The following AP1M1 variants were observed in gnomAD, a reference collection of about 807,000 sequenced individuals.
AP1M1 encodes AP-1 complex subunit mu-1.
In AP1M1, 18 loss-of-function variants were observed where a neutral mutation model predicts 57.1. The observed-to-expected ratio is 0.32, with a 90% CI of 0.22 to 0.47. AP1M1 has a LOEUF of 0.47. Among genes scored for constraint, AP1M1 ranks in the 20% least tolerant of loss-of-function variants. AP1M1 has a pLI of 1.00. For missense variants in AP1M1, 362 were observed against 593.5 expected, an observed-to-expected ratio of 0.61 and a Z score of 4.05; for synonymous variants, 241 against 237.9, an observed-to-expected ratio of 1.01 and a Z score of -0.12.
In AP1M1 at chr19:16,242,396, A is replaced by G. The variant is rs1297500223; in HGVS notation, c.*7961A>G. 6.6e-6 allele frequency: 1 copy of G among 152,182 alleles called. No individual in the cohort carries two copies. Among genetic ancestry groups the G allele is most frequent in the Non-Finnish European group, 1.5e-5 (1 of 68,034 alleles). The allele number at this position is 152,182 out of a possible 1,614,324, so 9.4% of individuals were successfully genotyped here. On this transcript the variant is annotated 3_prime_UTR_variant, in exon 12 of 12. Coordinates refer to ENST00000291439, the MANE Select transcript of AP1M1 (RefSeq NM_032493.4). ...AAAATAATAAATAATAGTACTTAAA[A>G]CTGCACTGGGACTTTTGGGACACCC...
rs528540418 is a variant in AP1M1, at chr19:16,199,702, C to T, written c.42+1634C>T. Among the ~76,000 whole-genome samples, 6 of 152,274 alleles carry T rather than the reference C, an allele frequency of 3.9e-5. No individual in the cohort carries two copies. The South Asian group carries it at 1.2e-3, about 32-fold the overall frequency. On this transcript the variant is annotated intron_variant, in intron 1 of 11. Transcript: ENST00000291439. ...GACCCAGTGCTGGGCTTCCCTCCCCCGCCTTCTTGGAAGGAGGGAAGACAC... is the reference window on the plus strand; with the variant it reads ...GACCCAGTGCTGGGCTTCCCTCCCCTGCCTTCTTGGAAGGAGGGAAGACAC...
In AP1M1 at chr19:16,238,254, C is replaced by T. The variant is rs1350553164; in HGVS notation, c.*3819C>T. On this transcript the variant is annotated 3_prime_UTR_variant, in exon 12 of 12. Transcript: ENST00000291439. ...TTGCAGAACTCTAGTTGAGAAAAGCCCTGAGAAGTCCATGCACCAATATAT... is the reference window on the plus strand; with the variant it reads ...TTGCAGAACTCTAGTTGAGAAAAGCTCTGAGAAGTCCATGCACCAATATAT... 6.6e-6 allele frequency: 1 copy of T among 152,142 alleles called. No individual in the cohort carries two copies. The highest frequency in any genetic ancestry group is 1.5e-5 in the Non-Finnish European group (1 of 68,048). The allele number at this position is 152,142 out of a possible 1,614,324, so 9.4% of individuals were successfully genotyped here. A position where few individuals can be genotyped will look rare whatever the true frequency, so the allele number is the denominator to read the frequency against.
At chr19:16,211,081 C>G (rs554388387) in intron 5 of AP1M1, among the ~76,000 whole-genome samples, 1 of 143,422 alleles carries the variant, frequency 7.0e-6, no homozygotes, top group Admixed American at 7.3e-5. Context: ...TGTAGCTTAT[C>G]TTTTTATTCT....
In AP1M1 at chr19:16,234,526, C is replaced by A; in HGVS notation, c.*91C>A. The A allele has an allele frequency of 1.3e-6, 2 of 1,545,902 alleles. No individual in the cohort carries two copies. Among genetic ancestry groups the A allele is most frequent in the South Asian group, 1.1e-5 (1 of 87,274 alleles). On this transcript the variant is annotated 3_prime_UTR_variant, in exon 12 of 12. Coordinates refer to ENST00000291439, the MANE Select transcript of AP1M1 (RefSeq NM_032493.4). ...CAAACCCACCAGATGGAGGGGCCCT[C>A]CCTGGTCTCTGGCCACCCTCCCAGC... is the stretch of plus-strand genomic sequence containing the variant.
Position 16,228,095 on chromosome 19 carries a change from A to G in AP1M1, c.817-42A>G, listed in dbSNP as rs777945029. The G allele has an allele frequency of 4.3e-5, 69 of 1,603,814 alleles. No homozygotes were observed. Among genetic ancestry groups the G allele is most frequent in the Non-Finnish European group, 5.5e-5 (64 of 1,172,600 alleles). The stretch of plus-strand genomic sequence containing the variant: ...TCCCCTCTGAAATGGGCCTTTGTCA[A>G]ACAAGGCCAGGTGTGAGCACCCTCT... On this transcript the variant is annotated intron_variant, in intron 7 of 11. Transcript: ENST00000291439. This position sits in a 1 kb window ranked among gnomAD's most constrained non-coding sequence, Gnocchi z 5.0.
intron 5 of AP1M1, chr19:16,210,264 T>C (rs2091488187): frequency 1.5e-6 from 1 of 667,894 alleles, no homozygotes; most frequent in South Asian, 1.6e-5. Flanking sequence ...AGAAGGACAT[T>C]TGGGTGGTTT....
At chr19:16,232,000 G>T (rs2091600964) in intron 9 of AP1M1, among the ~76,000 whole-genome samples, 1 of 152,224 alleles carries the variant, frequency 6.6e-6, no homozygotes, top group Admixed American at 6.5e-5. Flanking sequence ...TCTGGGCCGG[G>T]CCTTGCGTCC....
intron 9 of AP1M1, among the ~76,000 whole-genome samples, chr19:16,231,629 T>C: frequency 1.2e-5 from 1 of 80,364 alleles, no homozygotes; most frequent in South Asian, 3.6e-4. Context: ...AGGGTTTCGC[T>C]ATTGTTGCTC....
intron 5 of AP1M1, among the ~76,000 whole-genome samples, chr19:16,216,430 G>C (rs988770503): frequency 2.0e-5 from 3 of 151,190 alleles, no homozygotes; most frequent in African/African-American, 7.3e-5. Flanking sequence ...GGGCGACAGA[G>C]CGAAACTCCG....
Position 16,239,239 on chromosome 19 carries a change from C to CTTTTTTTTTTT in AP1M1, c.*4834_*4844dup, listed in dbSNP as rs71178661. On this transcript the variant is annotated 3_prime_UTR_variant, in exon 12 of 12. Coordinates refer to ENST00000291439, the MANE Select transcript of AP1M1 (RefSeq NM_032493.4). The stretch of plus-strand genomic sequence containing the variant: ...TGAGCCACCGCGCCCGGCCAGTTCT[C>CTTTTTTTTTTT]TTTTTTTTTTTTTTTTTTTTTTTTT... 13 of 39,284 alleles carry CTTTTTTTTTTT rather than the reference C, an allele frequency of 3.3e-4. 3 individuals are homozygous for CTTTTTTTTTTT. The highest frequency in any genetic ancestry group is 6.2e-4 in the African/African-American group (7 of 11,282). The allele number at this position is 39,284 out of a possible 1,614,324, so 2.4% of individuals were successfully genotyped here. A position where few individuals can be genotyped will look rare whatever the true frequency, so the allele number is the denominator to read the frequency against.
intron 10 of AP1M1, chr19:16,233,908 G>A (rs1328633324): frequency 5.4e-6 from 3 of 551,278 alleles, no homozygotes; most frequent in Non-Finnish European, 9.5e-6. Context: ...AGCCCACAGA[G>A]GGAGGAGAGG....
rs199888831 is a variant in AP1M1 at position 16,209,214 on chromosome 19, A to G, written c.546+37A>G. On this transcript the variant is annotated intron_variant, in intron 5 of 11. Transcript: ENST00000291439. ...TTCTTTCCTTCTTCTGTAGGGTTTT[A>G]TCTCTTCCACGATAGAAATAAACAC... is the stretch of plus-strand genomic sequence containing the variant. 4,064 of 1,607,408 alleles carry G rather than the reference A, an allele frequency of 2.5e-3. 10 individuals carry two copies. The highest frequency in any genetic ancestry group is 3.4e-3 in the Admixed American group (198 of 59,046).
intron 9 of AP1M1, among the ~76,000 whole-genome samples, chr19:16,231,466 G>A (rs1291861402): frequency 1.3e-5 from 2 of 151,792 alleles, no homozygotes; most frequent in East Asian, 3.9e-4. Context: ...GAGTGCAGAG[G>A]CACGATCTCG....
At position 16,228,035 on chromosome 19, in the gene AP1M1, C is replaced by T. The variant is rs573858077; in HGVS notation, c.817-102C>T. On this transcript the variant is annotated intron_variant, in intron 7 of 11. Coordinates refer to ENST00000291439, the MANE Select transcript of AP1M1 (RefSeq NM_032493.4). This position sits in a 1 kb window ranked among gnomAD's most constrained non-coding sequence, Gnocchi z 5.0. ...CTCCCTGCAGGGCTCTGGGCCCACA[C>T]CTGGGCAGATGGTCCCTTGCCCTGG... The T allele has an allele frequency of 4.0e-6, 5 of 1,237,178 alleles. No individual in the cohort carries two copies. Among genetic ancestry groups the T allele is most frequent in the South Asian group, 1.3e-5 (1 of 79,632 alleles). The allele number at this position is 1,237,178 out of a possible 1,614,324, so 76.6% of individuals were successfully genotyped here.
intron 5 of AP1M1, among the ~76,000 whole-genome samples, chr19:16,220,093 G>T (rs1177062951): frequency 6.6e-6 from 1 of 152,168 alleles, no homozygotes; most frequent in Non-Finnish European, 1.5e-5. Flanking sequence ...CCGTTTTCTG[G>T]AAGACATTTT....
chr19:16,201,889 C>T (rs1339238812), intron 1 of AP1M1, among the ~76,000 whole-genome samples: 1 of 152,168 alleles, frequency 6.6e-6, no homozygotes, highest in Non-Finnish European at 1.5e-5. Context: ...AGCCAGACCA[C>T]GCTGGTCCTT....
At chr19:16,205,335 C>T (rs561051078) in intron 2 of AP1M1, among the ~76,000 whole-genome samples, 23 of 152,252 alleles carry the variant, frequency 1.5e-4, no homozygotes, top group African/African-American at 4.6e-4. Context: ...CACCCCCAGC[C>T]GGGACAGTGC....
intron 5 of AP1M1, among the ~76,000 whole-genome samples, chr19:16,215,992 T>C (rs1206739504): frequency 6.6e-6 from 1 of 152,188 alleles, no homozygotes; most frequent in Non-Finnish European, 1.5e-5. Flanking sequence ...ATTAAATTCT[T>C]ATACTGTGTT....
rs1343648661 is a variant in AP1M1 at position 16,227,472 on chromosome 19, T to C, written c.674-76T>C. Reference sequence around the variant, plus strand: ...GGGGGCCCTGCTCTGCCGGGGTGGGTTGCAGGTGGTAGGAGTACTGCTGAG... The same window carrying C: ...GGGGGCCCTGCTCTGCCGGGGTGGGCTGCAGGTGGTAGGAGTACTGCTGAG... On this transcript the variant is annotated intron_variant, in intron 6 of 11. Coordinates refer to ENST00000291439, the MANE Select transcript of AP1M1 (RefSeq NM_032493.4). The surrounding 1 kb of genome is among the most constrained non-coding windows in gnomAD (Gnocchi z 6.2). The C allele has an allele frequency of 6.5e-7, 1 of 1,540,974 alleles. No homozygotes were observed. The highest frequency in any genetic ancestry group is 8.9e-7 in the Non-Finnish European group (1 of 1,125,028).
Sources: gnomAD v4.1 joint callset for allele counts (sites outside exome capture counted in the v4.1 genomes callset) on GRCh38, gnomAD v4.1.1 for gene constraint, Gnocchi (gnomAD v3.1) non-coding constraint, MANE v1.5 for transcripts, NCBI Gene and HGNC (gene_info 2026-07-23, HGNC 2026-07-21) for gene names.